The following GPHN variants were observed in gnomAD, a reference collection of about 807,000 sequenced individuals.
GPHN encodes the protein gephyrin.
In GPHN, 17 loss-of-function variants were observed where a neutral mutation model predicts 95.5. That is an observed-to-expected ratio of 0.18 (90% CI 0.12 to 0.27). The LOEUF (loss-of-function observed/expected upper bound fraction) is 0.27, where lower values mean the gene tolerates loss of function less well. GPHN is among the 10% of genes least tolerant of loss of function. The pLI is 1.00. For missense variants in GPHN, 660 were observed against 978.1 expected, an observed-to-expected ratio of 0.67 and a Z score of 4.34; for synonymous variants, 320 against 322.5, an observed-to-expected ratio of 0.99 and a Z score of 0.08.
rs1034018126 is a variant in GPHN, at chr14:67,134,553, C to A, written c.1749-8809C>A. ...TACTGTGGATAGACTGACTTGAAAT[C>A]AAGTTTCATTCAGCCCATTTACTGA... is the stretch of plus-strand genomic sequence containing the variant. On this transcript the variant is annotated intron_variant, in intron 17 of 22. Transcript: ENST00000478722. Among the ~76,000 whole-genome samples the A allele has an allele frequency of 2.6e-5, 4 of 152,176 alleles. No individual in the cohort carries two copies. In the South Asian group the frequency reaches 6.2e-4, roughly 24 times the overall value.
the GPHN span, among the ~76,000 whole-genome samples, chr14:67,533,952 G>T: frequency 2.0e-5 from 3 of 152,136 alleles, no homozygotes; most frequent in African/African-American, 4.8e-5. Context: ...GGGGGTGGCA[G>T]AGGCGGTGAA....
chr14:67,333,221 T>C, the GPHN span: 1 of 308,566 alleles, frequency 3.2e-6, no homozygotes, highest in Non-Finnish European at 6.0e-6. Context: ...GCATTCCATT[T>C]TGTCCTGTTA....
At chr14:67,358,653 T>C in the GPHN span, among the ~76,000 whole-genome samples, 14 of 152,138 alleles carry the variant, frequency 9.2e-5, no homozygotes, top group African/African-American at 3.4e-4. Context: ...TGAGCTCTGA[T>C]CATACCACTG....
the GPHN span, chr14:67,397,920 G>A: frequency 1.0e-6 from 1 of 997,074 alleles, no homozygotes; most frequent in Non-Finnish European, 1.5e-6. Flanking sequence ...TAACCAGACT[G>A]TGCTGTGGAA....
the GPHN span, among the ~76,000 whole-genome samples, chr14:67,624,184 G>C: frequency 6.6e-6 from 1 of 152,116 alleles, no homozygotes; most frequent in Non-Finnish European, 1.5e-5. Context: ...GTGAATTCTA[G>C]CCACCTGTTA....
At chr14:67,079,073 A>T (rs975854980) in intron 11 of GPHN, among the ~76,000 whole-genome samples, 1 of 152,050 alleles carries the variant, frequency 6.6e-6, no homozygotes, top group Non-Finnish European at 1.5e-5. Flanking sequence ...ATATATTGTA[A>T]ATTTTATATT....
At chr14:67,144,422 G>A (rs912333878) in intron 18 of GPHN, among the ~76,000 whole-genome samples, 32 of 150,278 alleles carry the variant, frequency 2.1e-4, no homozygotes, top group South Asian at 2.1e-4. Flanking sequence ...GTTAGTTTAC[G>A]ATGACTATTG....
intron 3 of GPHN, among the ~76,000 whole-genome samples, chr14:66,820,879 G>A (rs1471539852): frequency 6.6e-6 from 1 of 152,108 alleles, no homozygotes; most frequent in Non-Finnish European, 1.5e-5. Flanking sequence ...TTAGGAGGGG[G>A]ATTTTTGTGA....
intron 1 of GPHN, among the ~76,000 whole-genome samples, chr14:66,591,704 C>A (rs1442452382): frequency 2.0e-5 from 3 of 152,150 alleles, no homozygotes; most frequent in African/African-American, 7.2e-5. Context: ...TAAGAAGAAT[C>A]AATATCGTGA....
chr14:66,569,013 A>G (rs953602108), intron 1 of GPHN, among the ~76,000 whole-genome samples: 1 of 152,172 alleles, frequency 6.6e-6, no homozygotes, highest in African/African-American at 2.4e-5. Context: ...ATTGTGTTGT[A>G]TACTGTAACT....
chr14:66,544,529 C>T (rs2059461728), intron 1 of GPHN, among the ~76,000 whole-genome samples: 1 of 151,674 alleles, frequency 6.6e-6, no homozygotes, highest in Non-Finnish European at 1.5e-5. Context: ...TTGTAAGTGC[C>T]CAATGAATAT....
At chr14:66,802,269 T>C (rs193182586) in intron 3 of GPHN, among the ~76,000 whole-genome samples, 1 of 152,296 alleles carries the variant, frequency 6.6e-6, no homozygotes, top group Admixed American at 6.5e-5. Flanking sequence ...TGGCGAGTAC[T>C]GCCATTCTAC....
chr14:66,636,701 G>A (rs936848616), intron 1 of GPHN, among the ~76,000 whole-genome samples: 2 of 152,028 alleles, frequency 1.3e-5, no homozygotes, highest in African/African-American at 4.8e-5. Flanking sequence ...GTATTAAAAA[G>A]TCAGATTGGT....
At chr14:67,523,312 G>C in the GPHN span, among the ~76,000 whole-genome samples, 2 of 136,540 alleles carry the variant, frequency 1.5e-5, no homozygotes, top group Non-Finnish European at 3.1e-5. Context: ...TACAGAGTAA[G>C]ACTCCATCTC....
At chr14:67,338,646 T>G in the GPHN span, 1 of 1,614,088 alleles carries the variant, frequency 6.2e-7, no homozygotes, top group African/African-American at 1.3e-5. Flanking sequence ...ATCCTCGTCC[T>G]TCTCTTCAGC....
chr14:67,592,797 TA>T, the GPHN span: 6 of 933,346 alleles, frequency 6.4e-6, no homozygotes, highest in East Asian at 8.0e-5. Context: ...TTTATTTATT[TA>T]TTTTTGAGAC....
At chr14:67,674,406 C>T in the GPHN span, 1 of 1,605,104 alleles carries the variant, frequency 6.2e-7, no homozygotes, top group Non-Finnish European at 8.5e-7. Context: ...GCCGCTCGGG[C>T]ACCCCTTGTA....
chr14:67,665,207 T>C, the GPHN span, among the ~76,000 whole-genome samples: 2 of 152,084 alleles, frequency 1.3e-5, no homozygotes, highest in Non-Finnish European at 2.9e-5. Flanking sequence ...CTGTAATGCT[T>C]TATATGGATT....
intron 2 of GPHN, among the ~76,000 whole-genome samples, chr14:66,695,004 CA>C (rs200030772): frequency 0.017 from 2,656 of 151,836 alleles, 34 homozygotes; most frequent in Non-Finnish European, 0.027. Flanking sequence ...ACCAAAAATA[CA>C]AAAATTAGCC....
Sources: gnomAD v4.1 joint callset for allele counts (sites outside exome capture counted in the v4.1 genomes callset) on GRCh38, gnomAD v4.1.1 for gene constraint, MANE v1.5 for transcripts, NCBI Gene and HGNC (gene_info 2026-07-23, HGNC 2026-07-21) for gene names.